Variants in RALYL observed in about 807,000 individuals in gnomAD.
The protein encoded by RALYL is RNA-binding Raly-like protein.
Under a neutral mutation model 35.1 loss-of-function variants are expected in RALYL, and 29 were observed. The observed-to-expected ratio is 0.83, with a 90% confidence interval of 0.61 to 1.13. RALYL has a LOEUF of 1.13. RALYL is among the 50% of genes most tolerant of loss of function. The pLI is 0.00. For missense variants in RALYL, 359 were observed against 360.4 expected (o/e 1.00, Z 0.03); for synonymous variants, 120 against 127.6 (o/e 0.94, Z 0.40).
chr8:84,773,897 A>T (rs1031268159), intron 2 of RALYL, among the ~76,000 whole-genome samples: 19 of 152,244 alleles, frequency 1.2e-4, no homozygotes, highest in African/African-American at 4.6e-4. Context: ...TGAAAATCAG[A>T]AGAACATTTC....
At chr8:84,255,818 A>C (rs1275328585) in intron 1 of RALYL, among the ~76,000 whole-genome samples, 2 of 152,132 alleles carry the variant, frequency 1.3e-5, no homozygotes, top group Non-Finnish European at 2.9e-5. Context: ...CATTTTTCAA[A>C]ACCAATTATA....
At chr8:84,478,891 C>G (rs2053715436) in intron 1 of RALYL, among the ~76,000 whole-genome samples, 1 of 112,232 alleles carries the variant, frequency 8.9e-6, no homozygotes, top group African/African-American at 3.0e-5. Context: ...TCGAGACTAT[C>G]CTGGCTAACA....
intron 1 of RALYL, among the ~76,000 whole-genome samples, chr8:84,487,290 G>A (rs183542036): frequency 7.2e-5 from 11 of 151,954 alleles, no homozygotes; most frequent in South Asian, 2.1e-4. Flanking sequence ...GTTTTGAGTC[G>A]CCTGCACCCT....
intron 2 of RALYL, among the ~76,000 whole-genome samples, chr8:84,592,163 A>ATT (rs1451905195): frequency 1.3e-5 from 2 of 152,166 alleles, no homozygotes; most frequent in Non-Finnish European, 2.9e-5. Context: ...AATTTCCAAA[A>ATT]GGCCAGGTCC....
chr8:84,789,139 C>G (rs1190182274), intron 3 of RALYL, among the ~76,000 whole-genome samples: 4 of 152,166 alleles, frequency 2.6e-5, no homozygotes, highest in African/African-American at 9.7e-5. Flanking sequence ...ATGATGTATT[C>G]CTAACTCAGA....
intron 3 of RALYL, among the ~76,000 whole-genome samples, chr8:84,783,396 C>A (rs1348221464): frequency 6.6e-6 from 1 of 152,130 alleles, no homozygotes; most frequent in Non-Finnish European, 1.5e-5. Flanking sequence ...AGAGATCTTA[C>A]CTTTTTATGT....
intron 1 of RALYL, among the ~76,000 whole-genome samples, chr8:84,447,082 T>G (rs1170585571): frequency 6.6e-6 from 1 of 152,074 alleles, no homozygotes; most frequent in Admixed American, 6.6e-5. Flanking sequence ...CACATTTTTT[T>G]GTCACAGGTC....
At chr8:84,251,326 T>C (rs1001182612) in intron 1 of RALYL, among the ~76,000 whole-genome samples, 1 of 152,126 alleles carries the variant, frequency 6.6e-6, no homozygotes, top group Non-Finnish European at 1.5e-5. Flanking sequence ...TGTCTTGGGA[T>C]ACAGAAACAA....
At chr8:84,654,513 C>A (rs919775474) in intron 2 of RALYL, among the ~76,000 whole-genome samples, 2 of 151,586 alleles carry the variant, frequency 1.3e-5, no homozygotes, top group East Asian at 3.9e-4. Flanking sequence ...TGTTGTGTTA[C>A]CAAATACTAG....
Position 84,600,014 on chromosome 8 carries a change from T to G in RALYL, c.256+70437T>G, listed in dbSNP as rs531437981. On this transcript the variant is annotated intron_variant, in intron 2 of 8. Coordinates refer to ENST00000521268, the MANE Select transcript of RALYL (RefSeq NM_173848.7). ...GGTCACTTTCTGTTTTGAATCTAAT[T>G]TTTATGTTGCCAATCTTTGCCAGAC... Among the ~76,000 whole-genome samples the G allele has an allele frequency of 2.0e-5, 3 of 151,956 alleles. No individual in the cohort carries two copies. The South Asian group carries it at 6.2e-4, about 32-fold the overall frequency.
At position 84,688,115 on chromosome 8, in the gene RALYL, A is replaced by C. The variant is rs577916082; in HGVS notation, c.257-86464A>C. On this transcript the variant is annotated intron_variant, in intron 2 of 8. Transcript: ENST00000521268. ...TGAACTAAGCTACTTCTCACTCCTC[A>C]TAGTTTTTTTTTTTCTTTAGCTTAG... Among the ~76,000 whole-genome samples, 3 of 151,622 alleles carry C rather than the reference A, an allele frequency of 2.0e-5. No homozygotes were observed. In the South Asian group the frequency reaches 6.2e-4, roughly 31 times the overall value.
At chr8:84,876,645 G>T (rs1306358909) in intron 7 of RALYL, among the ~76,000 whole-genome samples, 1 of 152,300 alleles carries the variant, frequency 6.6e-6, no homozygotes, top group East Asian at 1.9e-4. Context: ...TACATTTCAA[G>T]TGCAGACTTT....
At chr8:84,406,267 T>C (rs1232167019) in intron 1 of RALYL, among the ~76,000 whole-genome samples, 3 of 152,132 alleles carry the variant, frequency 2.0e-5, no homozygotes, top group Admixed American at 6.6e-5. Context: ...GTATGTAATA[T>C]ATCTAAGTGT....
At chr8:84,312,329 T>C (rs1243040304) in intron 1 of RALYL, among the ~76,000 whole-genome samples, 2 of 152,164 alleles carry the variant, frequency 1.3e-5, no homozygotes, top group Non-Finnish European at 2.9e-5. Flanking sequence ...TTATTCCACC[T>C]TGGCTCCTCT....
At chr8:84,392,018 G>T (rs766894220) in intron 1 of RALYL, among the ~76,000 whole-genome samples, 1 of 151,934 alleles carries the variant, frequency 6.6e-6, no homozygotes, top group Admixed American at 6.6e-5. Flanking sequence ...CTTTGAAAGC[G>T]GGCTGATTGA....
intron 2 of RALYL, among the ~76,000 whole-genome samples, chr8:84,615,106 T>G (rs1284906078): frequency 2.0e-5 from 3 of 151,800 alleles, no homozygotes; most frequent in Non-Finnish European, 2.9e-5. Context: ...TATGTGTGCT[T>G]TTTTAAGCAG....
intron 2 of RALYL, among the ~76,000 whole-genome samples, chr8:84,594,155 C>T (rs1320897917): frequency 2.0e-5 from 3 of 152,058 alleles, no homozygotes; most frequent in Non-Finnish European, 4.4e-5. Context: ...TCCCATCCCA[C>T]TTTAAGTATT....
chr8:84,350,042 G>T (rs1850602320), intron 1 of RALYL, among the ~76,000 whole-genome samples: 1 of 150,496 alleles, frequency 6.6e-6, no homozygotes, highest in African/African-American at 2.5e-5. Flanking sequence ...CTGGAGCCTA[G>T]GTCATATGTC....
intron 3 of RALYL, among the ~76,000 whole-genome samples, chr8:84,801,214 T>A (rs982148928): frequency 2.0e-5 from 3 of 152,158 alleles, no homozygotes; most frequent in Non-Finnish European, 4.4e-5. Context: ...CCACCAAGAT[T>A]TCCTGCCCTA....
Sources: gnomAD v4.1 joint callset for allele counts (sites outside exome capture counted in the v4.1 genomes callset) on GRCh38, gnomAD v4.1.1 for gene constraint, MANE v1.5 for transcripts, NCBI Gene and HGNC (gene_info 2026-07-23, HGNC 2026-07-21) for gene names.